Variants in TRNAU1AP observed in about 807,000 individuals in gnomAD.
TRNAU1AP encodes the protein tRNA selenocysteine 1 associated protein 1, also known as tRNA selenocysteine 1-associated protein 1.
TRNAU1AP carries 33 observed loss-of-function variants against 43.3 expected under a neutral mutation model. The ratio of observed to expected loss-of-function variants is 0.76; its 90% CI spans 0.58 to 1.02. The LOEUF (loss-of-function observed/expected upper bound fraction) is 1.02, where lower values mean the gene tolerates loss of function less well. Among genes scored for constraint, TRNAU1AP ranks in the 50% least tolerant of loss-of-function variants. The pLI is 0.00. For synonymous variants in TRNAU1AP, 143 were observed against 129.1 expected (o/e 1.11, Z -0.73); for missense variants, 290 against 362.7 (o/e 0.80, Z 1.63).
At position 28,567,403 on chromosome 1, in the gene TRNAU1AP, A is replaced by T. The variant is rs182614582; in HGVS notation, c.520A>T (p.Ile174Phe). Reference sequence around the variant, plus strand: ...TAAGCCTGTGCGGCTGAGCGTGGCAATCCCTAAAGCGTGAGTCCTGCAGGG... The same window carrying T: ...TAAGCCTGTGCGGCTGAGCGTGGCATTCCCTAAAGCGTGAGTCCTGCAGGG... ...GSKPVRLSVA[I>F]PKASRVKPVE... Residue 174 changes from isoleucine (I) to phenylalanine (F), a missense_variant, in exon 6 of 9, where the codon ATC becomes TTC. Physicochemically the swap from Ile to Phe is conservative, Grantham distance 21. This residue lies in a region of TRNAU1AP where 174 missense variants were observed against 262.1 expected (regional missense o/e 0.66). Coordinates refer to ENST00000373830, the MANE Select transcript of TRNAU1AP (RefSeq NM_017846.5). 1 of 1,607,774 alleles carries T rather than the reference A, an allele frequency of 6.2e-7. No homozygotes were observed. The highest frequency in any genetic ancestry group is 1.3e-5 in the African/African-American group (1 of 74,580).
At chr1:28,553,786 T>G in intron 2 of TRNAU1AP, 49 bp downstream of exon 2, 1 of 1,495,800 alleles carries the variant, frequency 6.7e-7, no homozygotes, top group Non-Finnish European at 9.3e-7. Context: ...GCAGCTGTCA[T>G]GTACGAGAAT....
intron 5 of TRNAU1AP, 76 bp from the exon 6 acceptor site, chr1:28,567,218 C>T (rs1665560714): frequency 6.6e-7 from 1 of 1,524,344 alleles, no homozygotes; most frequent in East Asian, 2.3e-5. Flanking sequence ...CCTTCTTATC[C>T]TTACTTCTTT....
At chr1:28,571,786 A>AAAAAATAAAATAAAAT in intron 7 of TRNAU1AP, 81 bp from the exon 8 acceptor site, 5 of 1,008,462 alleles carry the variant, frequency 5.0e-6, no homozygotes, top group Non-Finnish European at 5.8e-6. Flanking sequence ...CCACCTCAAA[A>AAAAAATAAAATAAAAT]AAAATAAAAA....
intron 7 of TRNAU1AP, among the ~76,000 whole-genome samples, chr1:28,571,610 T>A (rs1665662863): frequency 6.6e-6 from 1 of 151,984 alleles, no homozygotes; most frequent in South Asian, 2.1e-4. Context: ...GGTGAAACCC[T>A]GTATCTACTA....
chr1:28,564,570 G>A (rs1422826133), intron 4 of TRNAU1AP, 133 bp from the exon 5 acceptor site: 1 of 1,063,620 alleles, frequency 9.4e-7, no homozygotes, highest in Non-Finnish European at 1.3e-6. Context: ...AACAAAGTAG[G>A]GGCTGGTTAA....
intron 5 of TRNAU1AP, 136 bp from the exon 6 acceptor site, chr1:28,567,158 G>T: frequency 1.1e-6 from 1 of 874,656 alleles, no homozygotes; most frequent in South Asian, 1.7e-5. Flanking sequence ...TAGTTTAATG[G>T]ACTCTCTCTT....
chr1:28,560,103 CATAA>C (rs752299269), intron 2 of TRNAU1AP, among the ~76,000 whole-genome samples: 10 of 151,952 alleles, frequency 6.6e-5, no homozygotes, highest in Admixed American at 3.3e-4. Flanking sequence ...ATATCCGTCT[CATAA>C]ATAAATAAAT....
intron 8 of TRNAU1AP, among the ~76,000 whole-genome samples, chr1:28,575,464 T>C (rs1052044130): frequency 5.3e-5 from 8 of 150,366 alleles, no homozygotes; most frequent in African/African-American, 2.0e-4. Context: ...TGTTTTTTTT[T>C]GTTTTTTTTT....
Position 28,553,170 on chromosome 1 carries a change from C to T in TRNAU1AP, c.27+33C>T, listed in dbSNP as rs917011457. ...AGGGCAGCCGTCCGGGGTCTGAAGA[C>T]AAGGAAGCATCTCGGTTTCGCGAGA... is the stretch of plus-strand genomic sequence containing the variant. On this transcript the variant is annotated intron_variant, in intron 1 of 8. Transcript: ENST00000373830. 7.4e-6 allele frequency: 11 copies of T among 1,478,900 alleles called. No individual in the cohort carries two copies. In the Admixed American group the frequency reaches 1.5e-4, roughly 20 times the overall value. 91.6% of individuals were successfully genotyped at this position (1,478,900 alleles called of 1,614,324 possible). A position where few individuals can be genotyped will look rare whatever the true frequency, so the allele number is the denominator to read the frequency against.
rs2124212657 is a variant in TRNAU1AP, at chr1:28,571,430, G to A, written c.693+92G>A. ...TAGGATGGGATTGGTAAGGACAGGGGCTTGGGCTTCAGAAAAAATAGGGAA... is the reference window on the plus strand; with the variant it reads ...TAGGATGGGATTGGTAAGGACAGGGACTTGGGCTTCAGAAAAAATAGGGAA... On this transcript the variant is annotated intron_variant, in intron 7 of 8. Transcript: ENST00000373830. 4 of 1,355,222 alleles carry A rather than the reference G, an allele frequency of 3.0e-6. No homozygotes were observed. The East Asian group carries it at 6.9e-5, about 23-fold the overall frequency. 83.9% of individuals were successfully genotyped at this position (1,355,222 alleles called of 1,614,324 possible).
chr1:28,563,693 A>G (rs1665468442), intron 4 of TRNAU1AP, among the ~76,000 whole-genome samples: 1 of 152,044 alleles, frequency 6.6e-6, no homozygotes, highest in Non-Finnish European at 1.5e-5. Context: ...CAAAAAAAAA[A>G]AAAAGGAAAT....
At chr1:28,563,224 A>G (rs1665454745) in intron 4 of TRNAU1AP, among the ~76,000 whole-genome samples, 1 of 151,562 alleles carries the variant, frequency 6.6e-6, no homozygotes, top group Admixed American at 6.6e-5. Flanking sequence ...AGGAATATGT[A>G]TAATATGTAT....
chr1:28,577,578 T>C lies in TRNAU1AP; in HGVS notation c.806T>C (p.Met269Thr), dbSNP rs778894237. The change falls in exon 9 of 9, where the codon ATG (methionine) becomes ACG (threonine). Residue 269 changes from methionine to threonine, a missense_variant. Coordinates refer to ENST00000373830, the MANE Select transcript of TRNAU1AP (RefSeq NM_017846.5). ...AGTGAGGAGCTGTATGACGCTCTGA[T>C]GGACTGTCACTGGCAGCCCCTGGAC... ...EQSEELYDAL[M>T]DCHWQPLDTV... 3 of 1,614,172 alleles carry C rather than the reference T, an allele frequency of 1.9e-6. No homozygotes were observed. The Admixed American group carries it at 5.0e-5, about 27-fold the overall frequency.
intron 2 of TRNAU1AP, among the ~76,000 whole-genome samples, chr1:28,559,264 A>G (rs1665351536): frequency 6.6e-6 from 1 of 151,962 alleles, no homozygotes; most frequent in African/African-American, 2.4e-5. Flanking sequence ...TTAATGTATA[A>G]AAGCCAACCT....
chr1:28,577,092 A>G (rs1665805826), intron 8 of TRNAU1AP, among the ~76,000 whole-genome samples: 1 of 152,194 alleles, frequency 6.6e-6, no homozygotes, highest in Admixed American at 6.5e-5. Flanking sequence ...ACACATACAT[A>G]CATACAGGAC....
At chr1:28,556,474 A>G (rs1007914938) in intron 2 of TRNAU1AP, among the ~76,000 whole-genome samples, 5 of 151,084 alleles carry the variant, frequency 3.3e-5, no homozygotes. Flanking sequence ...AAAAATAAAT[A>G]AGTAAAACAC....
At chr1:28,559,991 G>A (rs1042756008) in intron 2 of TRNAU1AP, among the ~76,000 whole-genome samples, 1 of 152,194 alleles carries the variant, frequency 6.6e-6, no homozygotes, top group African/African-American at 2.4e-5. Flanking sequence ...AATTAGCCAG[G>A]CATGGTGGTG....
At chr1:28,573,772 CAAAA>C (rs762729219) in intron 8 of TRNAU1AP, among the ~76,000 whole-genome samples, 1 of 126,624 alleles carries the variant, frequency 7.9e-6, no homozygotes, top group African/African-American at 3.0e-5. Context: ...GACTCTGTCT[CAAAA>C]AAAAAAAAAA....
intron 2 of TRNAU1AP, among the ~76,000 whole-genome samples, chr1:28,555,885 G>A (rs958152538): frequency 2.3e-5 from 3 of 129,554 alleles, no homozygotes; most frequent in Admixed American, 1.6e-4. Context: ...ACGGAGTCTT[G>A]CTCTGTGGCC....
Sources: allele counts gnomAD v4.1 joint callset (sites outside exome capture counted in the v4.1 genomes callset), GRCh38; gene constraint gnomAD v4.1.1; regional missense constraint gnomAD v4.1.1; transcripts MANE v1.5; gene names NCBI Gene and HGNC (gene_info 2026-07-23, HGNC 2026-07-21).